Variants in FOXP2 observed in about 807,000 individuals in gnomAD.
The protein encoded by FOXP2 is forkhead box protein P2.
In FOXP2, 12 loss-of-function variants were observed where a neutral mutation model predicts 115.8. That is an observed-to-expected ratio of 0.10 (90% CI 0.07 to 0.17). FOXP2 has a LOEUF of 0.17. FOXP2 is among the 10% of genes least tolerant of loss of function. The probability of loss-of-function intolerance (pLI) is 1.00; values close to 1 mark genes in which losing one functional copy is unlikely to be tolerated. For synonymous variants in FOXP2, 328 were observed against 297.7 expected (o/e 1.10, Z -1.05); for missense variants, 629 against 843.5 (o/e 0.75, Z 3.15).
chr7:114,416,287 A>T (rs1027780859), intron 1 of FOXP2: 6 of 152,008 alleles, frequency 3.9e-5, no homozygotes, highest in Non-Finnish European at 1.5e-5. Context: ...AGGGAAGATG[A>T]GCTTGTTTAT....
intron 2 of FOXP2, among the ~76,000 whole-genome samples, chr7:114,461,014 T>C (rs1795537518): frequency 6.6e-6 from 1 of 152,176 alleles, no homozygotes; most frequent in East Asian, 1.9e-4. Context: ...TCAAGTTATG[T>C]TGAGTGTGCA....
intron 2 of FOXP2, among the ~76,000 whole-genome samples, chr7:114,532,196 A>G (rs1799172704): frequency 1.3e-5 from 2 of 151,946 alleles, no homozygotes; most frequent in African/African-American, 4.8e-5. Flanking sequence ...GAGTTCCATC[A>G]GGCATAAGGG....
In FOXP2 at chr7:114,691,242, T is replaced by G. The variant is rs978785904; in HGVS notation, c.*1316T>G. On this transcript the variant is annotated 3_prime_UTR_variant, in exon 17 of 17. Transcript: ENST00000350908. ...TATGGTCTTAATCTTTGTTGTGTAC[T>G]ATTTTTTTATAGTCTTAAGTTATAA... 11 of 453,602 alleles carry G rather than the reference T, an allele frequency of 2.4e-5. No homozygotes were observed. Among genetic ancestry groups the G allele is most frequent in the Admixed American group, 1.6e-4 (7 of 42,474 alleles). The allele number at this position is 453,602 out of a possible 1,614,324, so 28.1% of individuals were successfully genotyped here. A position where few individuals can be genotyped will look rare whatever the true frequency, so the allele number is the denominator to read the frequency against.
At chr7:114,347,499 A>G (rs1404400268) in intron 2 of FOXP2, among the ~76,000 whole-genome samples, 1 of 151,980 alleles carries the variant, frequency 6.6e-6, no homozygotes, top group African/African-American at 2.4e-5. Context: ...CCACTTTCAC[A>G]CTATGGCAAC....
Position 114,190,726 on chromosome 7 carries a change from C to A in FOXP2, c.-102+27638C>A, listed in dbSNP as rs1052777672. Reference sequence around the variant, plus strand: ...TCCCTCTTTTCTTTTTTCCTCTCTTCTTTTACCACTCTCTCTTTCTTCTTT... The same window carrying A: ...TCCCTCTTTTCTTTTTTCCTCTCTTATTTTACCACTCTCTCTTTCTTCTTT... On this transcript the variant is annotated intron_variant, in intron 1 of 17. Coordinates refer to the FOXP2 transcript ENST00000634411. Among the ~76,000 whole-genome samples the A allele has an allele frequency of 2.0e-5, 3 of 151,926 alleles. No homozygotes were observed. The East Asian group carries it at 5.8e-4, about 29-fold the overall frequency.
At chr7:114,201,016 C>T (rs773654378) in intron 1 of FOXP2, among the ~76,000 whole-genome samples, 9 of 152,076 alleles carry the variant, frequency 5.9e-5, no homozygotes, top group Non-Finnish European at 1.0e-4. Flanking sequence ...ATTAGCTGGG[C>T]ATGGTGGCAC....
chr7:114,570,229 ATAT>A (rs1474375668), intron 3 of FOXP2, among the ~76,000 whole-genome samples: 3 of 151,896 alleles, frequency 2.0e-5, no homozygotes, highest in Admixed American at 1.3e-4. Flanking sequence ...GTTTTAACAG[ATAT>A]TATGGAGGTT....
At chr7:114,556,150 T>G (rs1800442860) in intron 3 of FOXP2, among the ~76,000 whole-genome samples, 1 of 152,154 alleles carries the variant, frequency 6.6e-6, no homozygotes, top group South Asian at 2.1e-4. Context: ...TTGCTGGAGT[T>G]TTAGTTTTTA....
At chr7:114,290,538 GA>G (rs1428338261) in intron 2 of FOXP2, among the ~76,000 whole-genome samples, 1 of 152,022 alleles carries the variant, frequency 6.6e-6, no homozygotes, top group Non-Finnish European at 1.5e-5. Context: ...GGTATCATAT[GA>G]AAAATATTTG....
chr7:114,538,244 A>C, intron 3 of FOXP2: 1 of 1,045,318 alleles, frequency 9.6e-7, no homozygotes, highest in Non-Finnish European at 1.3e-6. Flanking sequence ...ATACATTTTC[A>C]ATTTTCTAGC....
intron 1 of FOXP2, among the ~76,000 whole-genome samples, chr7:114,245,517 CAT>C (rs1371722972): frequency 5.3e-5 from 8 of 152,202 alleles, no homozygotes; most frequent in Admixed American, 3.9e-4. Flanking sequence ...TCCAACTTAA[CAT>C]GTGCAATATC....
intron 3 of FOXP2, among the ~76,000 whole-genome samples, chr7:114,620,858 C>G (rs1804212388): frequency 6.6e-6 from 1 of 151,964 alleles, no homozygotes; most frequent in Non-Finnish European, 1.5e-5. Flanking sequence ...TTGGTATCTA[C>G]TATGTACTTT....
At chr7:114,256,631 A>C (rs1404952469) in intron 1 of FOXP2, among the ~76,000 whole-genome samples, 1 of 152,056 alleles carries the variant, frequency 6.6e-6, no homozygotes, top group African/African-American at 2.4e-5. Context: ...TTGCAAACAT[A>C]TTTTACCCAT....
chr7:114,325,290 C>A (rs960297043), intron 2 of FOXP2, among the ~76,000 whole-genome samples: 1 of 151,810 alleles, frequency 6.6e-6, no homozygotes, highest in South Asian at 2.1e-4. Context: ...TAAGTTTATA[C>A]GATTAATAGT....
At chr7:114,194,027 C>T (rs988156387) in intron 1 of FOXP2, among the ~76,000 whole-genome samples, 2 of 69,348 alleles carry the variant, frequency 2.9e-5, no homozygotes, top group Admixed American at 1.7e-4. Context: ...TGCTGTAACC[C>T]TGTGCTTTGG....
At chr7:114,433,283 G>A (rs572526504) in intron 2 of FOXP2, among the ~76,000 whole-genome samples, 1 of 151,944 alleles carries the variant, frequency 6.6e-6, no homozygotes, top group South Asian at 2.1e-4. Flanking sequence ...TTGTTCTGGT[G>A]TTCTATTAGT....
chr7:114,381,626 G>A lies in FOXP2; in HGVS notation c.-10-44876G>A, dbSNP rs191096692. On this transcript the variant is annotated intron_variant, in intron 2 of 17. Coordinates refer to the FOXP2 transcript ENST00000634411. ...GACTGTAAACCACTCTGCTTCCTCTGGTATTTGGGAAAGCAGAGTATAAAG... is the reference window on the plus strand; with the variant it reads ...GACTGTAAACCACTCTGCTTCCTCTAGTATTTGGGAAAGCAGAGTATAAAG... Among the ~76,000 whole-genome samples the A allele has an allele frequency of 5.3e-5, 8 of 152,248 alleles. No individual in the cohort carries two copies. The East Asian group carries it at 1.5e-3, about 29-fold the overall frequency.
chr7:114,111,409 T>G (rs200843182), intron 1 of FOXP2, among the ~76,000 whole-genome samples: 2 of 152,134 alleles, frequency 1.3e-5, no homozygotes, highest in Non-Finnish European at 2.9e-5. Flanking sequence ...TGAATTCAGC[T>G]GCATGAGTAA....
chr7:114,393,204 A>G (rs984922017), intron 2 of FOXP2, among the ~76,000 whole-genome samples: 3 of 151,632 alleles, frequency 2.0e-5, no homozygotes, highest in African/African-American at 7.3e-5. Flanking sequence ...TAGTTATAAT[A>G]TTTTTACTTA....
Sources: gnomAD v4.1 joint callset for allele counts (sites outside exome capture counted in the v4.1 genomes callset) on GRCh38, gnomAD v4.1.1 for gene constraint, MANE v1.5 for transcripts, NCBI Gene and HGNC (gene_info 2026-07-23, HGNC 2026-07-21) for gene names.